The following TMPRSS15 variants were observed in gnomAD, a reference collection of about 807,000 sequenced individuals.
TMPRSS15 encodes the protein enteropeptidase.
In TMPRSS15, 128 loss-of-function variants were observed where a neutral mutation model predicts 125.3. The observed-to-expected ratio is 1.02, with a 90% CI of 0.89 to 1.18. The LOEUF (loss-of-function observed/expected upper bound fraction) is 1.18. TMPRSS15 is among the 50% of genes most tolerant of loss of function. The probability of loss-of-function intolerance (pLI) is 0.00; values close to 1 mark genes in which losing one functional copy is unlikely to be tolerated. For missense variants in TMPRSS15, 1,283 were observed against 1,212.7 expected, an observed-to-expected ratio of 1.06 and a Z score of -0.86; for synonymous variants, 446 against 423.2, an observed-to-expected ratio of 1.05 and a Z score of -0.66.
intron 1 of TMPRSS15, among the ~76,000 whole-genome samples, chr21:18,451,536 A>AAGCTTC (rs1978339589): frequency 6.6e-6 from 1 of 152,190 alleles, no homozygotes; most frequent in Non-Finnish European, 1.5e-5. Context: ...AACAAGAAGC[A>AAGCTTC]TTGAGGTGTT....
intron 1 of TMPRSS15, among the ~76,000 whole-genome samples, chr21:18,429,822 GC>G (rs1214164130): frequency 3.3e-5 from 5 of 152,136 alleles, no homozygotes; most frequent in African/African-American, 1.2e-4. Context: ...TACTATACTT[GC>G]AGCTTTGCCT....
intron 1 of TMPRSS15, among the ~76,000 whole-genome samples, chr21:18,452,518 T>A (rs964291283): frequency 4.6e-5 from 7 of 151,960 alleles, no homozygotes; most frequent in Admixed American, 4.6e-4. Flanking sequence ...AAAAAAATAA[T>A]ATCCGGGCAT....
chr21:18,311,344 G>A (rs1370013371), intron 18 of TMPRSS15, among the ~76,000 whole-genome samples: 1 of 152,014 alleles, frequency 6.6e-6, no homozygotes, highest in African/African-American at 2.4e-5. Context: ...CATTTGACAA[G>A]CACATATTAA....
intron 3 of TMPRSS15, among the ~76,000 whole-genome samples, chr21:18,397,357 C>A (rs1033190299): frequency 6.6e-6 from 1 of 152,078 alleles, no homozygotes; most frequent in Non-Finnish European, 1.5e-5. Flanking sequence ...ATAGTTCTTA[C>A]AAAATTTCCA....
rs543854719 is a variant in TMPRSS15 at position 18,435,739 on chromosome 21, C to T, written c.11-37410G>A. On this transcript the variant is annotated intron_variant, in intron 1 of 7. Coordinates refer to the TMPRSS15 transcript ENST00000422787. ...TCCTCCTTGTACCTCTGGTAGAATTCGGCTGTGAATCCATCTGGTCCTGGA... is the reference window on the plus strand; with the variant it reads ...TCCTCCTTGTACCTCTGGTAGAATTTGGCTGTGAATCCATCTGGTCCTGGA... 2.0e-3 allele frequency among the ~76,000 whole-genome samples: 305 copies of T among 152,140 alleles called. 1 individual carries two copies. The highest frequency in any genetic ancestry group is 6.8e-3 in the African/African-American group (282 of 41,506).
chr21:18,363,203 T>C (rs1409953365), intron 7 of TMPRSS15, among the ~76,000 whole-genome samples: 1 of 152,156 alleles, frequency 6.6e-6, no homozygotes, highest in African/African-American at 2.4e-5. Flanking sequence ...TTTGTGTGAT[T>C]AATTAAATCA....
At chr21:18,281,468 T>C (rs2074697470) in intron 21 of TMPRSS15, among the ~76,000 whole-genome samples, 1 of 152,208 alleles carries the variant, frequency 6.6e-6, no homozygotes, top group Non-Finnish European at 1.5e-5. Flanking sequence ...TAGTTCTAGA[T>C]TGTGGTTCTC....
chr21:18,345,133 G>A (rs1486669119), intron 10 of TMPRSS15, among the ~76,000 whole-genome samples: 2 of 152,166 alleles, frequency 1.3e-5, no homozygotes, highest in African/African-American at 4.8e-5. Flanking sequence ...TTATCAAGGT[G>A]AAATTATGGT....
chr21:18,481,730 C>T (rs113873368), intron 1 of TMPRSS15, among the ~76,000 whole-genome samples: 35 of 151,744 alleles, frequency 2.3e-4, no homozygotes, highest in African/African-American at 8.4e-4. Flanking sequence ...ACTCCTTTCT[C>T]CTATTTTAAC....
intron 21 of TMPRSS15, among the ~76,000 whole-genome samples, chr21:18,290,637 A>G (rs936609152): frequency 2.0e-5 from 3 of 152,196 alleles, no homozygotes; most frequent in Non-Finnish European, 2.9e-5. Flanking sequence ...GATGCAATAC[A>G]CTATCCTGAA....
At chr21:18,347,033 C>T (rs991057544) in intron 10 of TMPRSS15, among the ~76,000 whole-genome samples, 1 of 152,090 alleles carries the variant, frequency 6.6e-6, no homozygotes, top group African/African-American at 2.4e-5. Flanking sequence ...TTTTTTGACA[C>T]TTTGTGTCTT....
At chr21:18,277,182 T>C (rs1178642876) in intron 23 of TMPRSS15, among the ~76,000 whole-genome samples, 1 of 152,206 alleles carries the variant, frequency 6.6e-6, no homozygotes, top group East Asian at 1.9e-4. Flanking sequence ...TGTTTATTCC[T>C]AAATGAAATT....
rs1285443028 is a variant in TMPRSS15 at position 18,341,545 on chromosome 21, C to A, written c.1432G>T (p.Ala478Ser). 1.2e-6 allele frequency: 2 copies of A among 1,613,998 alleles called. No homozygotes were observed. Among genetic ancestry groups the A allele is most frequent in the Non-Finnish European group, 8.5e-7 (1 of 1,179,936 alleles). The change falls in exon 13 of 25, where the codon GCT (alanine) becomes TCT (serine). Residue 478 changes from alanine (A) to serine (S), a missense_variant. Ala to Ser is a moderately conservative substitution (Grantham distance 99). Coordinates refer to ENST00000284885, the MANE Select transcript of TMPRSS15 (RefSeq NM_002772.3). ...TLNETVKFKV[A>S]FNAFKNKILS... ...ATCTTGTTTTTAAAAGCATTAAAAG[C>A]AACCTGCAATTCAGAGAGGCATATG...
At chr21:18,380,391 T>C (rs1003669422) in intron 4 of TMPRSS15, 13 of 347,862 alleles carry the variant, frequency 3.7e-5, no homozygotes, top group Middle Eastern at 4.3e-4. Context: ...TTACGAATTA[T>C]GTTATTCCTA....
chr21:18,450,332 C>A (rs1004250991), intron 1 of TMPRSS15, among the ~76,000 whole-genome samples: 4 of 151,458 alleles, frequency 2.6e-5, no homozygotes, highest in African/African-American at 9.7e-5. Context: ...TTTCTAAAAC[C>A]TTTTGTCGTA....
chr21:18,443,084 T>C (rs967489089), intron 1 of TMPRSS15, among the ~76,000 whole-genome samples: 1 of 152,154 alleles, frequency 6.6e-6, no homozygotes, highest in Non-Finnish European at 1.5e-5. Flanking sequence ...ATGTGTATAT[T>C]TACAAATTAC....
chr21:18,287,816 G>T (rs2074784051), intron 21 of TMPRSS15, among the ~76,000 whole-genome samples: 1 of 152,126 alleles, frequency 6.6e-6, no homozygotes, highest in Non-Finnish European at 1.5e-5. Context: ...TAACTTTTAG[G>T]AAGATGACTA....
intron 16 of TMPRSS15, among the ~76,000 whole-genome samples, chr21:18,322,834 CA>C (rs2075252867): frequency 6.6e-6 from 1 of 151,926 alleles, no homozygotes; most frequent in Admixed American, 6.6e-5. Flanking sequence ...CTATAGTTAA[CA>C]ATAATTTATG....
At chr21:18,300,750 T>C (rs1203575690) in intron 18 of TMPRSS15, among the ~76,000 whole-genome samples, 10 of 152,210 alleles carry the variant, frequency 6.6e-5, no homozygotes, top group Admixed American at 2.0e-4. Context: ...AGCCTATTTA[T>C]GACACATCTA....
Sources: allele counts gnomAD v4.1 joint callset (sites outside exome capture counted in the v4.1 genomes callset), GRCh38; gene constraint gnomAD v4.1.1; transcripts MANE v1.5; gene names NCBI Gene and HGNC (gene_info 2026-07-23, HGNC 2026-07-21).